The following SESN1 variants were observed in gnomAD, a reference collection of about 807,000 sequenced individuals.
SESN1 encodes sestrin 1.
A neutral mutation model predicts 59.3 loss-of-function variants in SESN1; 30 were observed. The ratio of observed to expected loss-of-function variants is 0.51; its 90% confidence interval spans 0.38 to 0.69. The LOEUF (loss-of-function observed/expected upper bound fraction) is 0.69, where lower values mean the gene tolerates loss of function less well. SESN1 is among the 30% of genes least tolerant of loss of function. The pLI is 0.00. For synonymous variants in SESN1, 197 were observed against 219.9 expected (o/e 0.90, Z 0.92); for missense variants, 566 against 673.0 (o/e 0.84, Z 1.76).
chr6:108,987,544 T>C lies in SESN1; in HGVS notation c.1656A>G (p.Ter552TrpextTer23), dbSNP rs1212255665. Residue 552 changes from the stop codon to tryptophan, a stop_lost, in exon 10 of 10, where the codon TGA (stop) becomes TGG (tryptophan). Coordinates refer to ENST00000436639, the MANE Select transcript of SESN1 (RefSeq NM_014454.3). The stretch of plus-strand genomic sequence containing the variant: ...AATCATCTTTAATGAAGGAAAGGCA[T>C]CAGGTCATATAGCGGGTAATGGCTC... ...ALRAITRYMT[*>W] The C allele has an allele frequency of 1.9e-6, 3 of 1,549,906 alleles. No homozygotes were observed. The highest frequency in any genetic ancestry group is 2.7e-6 in the Non-Finnish European group (3 of 1,122,546).
chr6:109,055,350 T>C (rs969545248), intron 1 of SESN1, among the ~76,000 whole-genome samples: 8 of 152,104 alleles, frequency 5.3e-5, no homozygotes, highest in African/African-American at 9.7e-5. Context: ...TGGTATTAAT[T>C]AATGAAAGAA....
intron 1 of SESN1, among the ~76,000 whole-genome samples, chr6:109,022,565 C>T (rs1485380140): frequency 2.0e-5 from 3 of 151,368 alleles, no homozygotes; most frequent in South Asian, 2.1e-4. Context: ...CCCACCACCA[C>T]GCCCGGCTAA....
intron 1 of SESN1, among the ~76,000 whole-genome samples, chr6:109,024,838 G>A (rs974572083): frequency 4.6e-5 from 7 of 152,208 alleles, no homozygotes; most frequent in Middle Eastern, 6.3e-3. Flanking sequence ...TCTACTGAAT[G>A]TGTGTTGCTT....
intron 6 of SESN1, 68 bp from the exon 7 acceptor site, chr6:108,992,967 G>A (rs1302319251): frequency 1.0e-6 from 1 of 970,290 alleles, no homozygotes; most frequent in African/African-American, 1.6e-5. Flanking sequence ...TTACCCAAAG[G>A]AGTAAAAATG....
At chr6:109,009,634 C>G (rs1779819643) in intron 1 of SESN1, 2 of 894,228 alleles carry the variant, frequency 2.2e-6, no homozygotes, top group Non-Finnish European at 2.7e-6. Flanking sequence ...GGCGGCCACG[C>G]AAGCCAATGC....
At chr6:109,077,844 G>A (rs569467745) in intron 1 of SESN1, among the ~76,000 whole-genome samples, 90 of 152,232 alleles carry the variant, frequency 5.9e-4, no homozygotes, top group Non-Finnish European at 1.1e-3. Context: ...CACTGCAAAT[G>A]TTATATGTAA....
Position 109,034,312 on chromosome 6 carries a change from T to C in SESN1, c.280-31969A>G, listed in dbSNP as rs145439811. Among the ~76,000 whole-genome samples, 701 of 152,330 alleles carry C rather than the reference T, an allele frequency of 4.6e-3. 4 individuals carry two copies. Among genetic ancestry groups the C allele is most frequent in the Middle Eastern group, 0.017 (5 of 294 alleles). On this transcript the variant is annotated intron_variant, in intron 1 of 9. Coordinates refer to ENST00000436639, the MANE Select transcript of SESN1 (RefSeq NM_014454.3). ...AAATTTGGTATTTGTAATGGTATAA[T>C]TACTTCTCTCAATTACAACATTTAC...
At chr6:109,067,586 T>C (rs1780856962) in intron 1 of SESN1, among the ~76,000 whole-genome samples, 1 of 152,200 alleles carries the variant, frequency 6.6e-6, no homozygotes, top group East Asian at 1.9e-4. Context: ...CTCTCCGGTC[T>C]TTCCTCTTCC....
intron 1 of SESN1, among the ~76,000 whole-genome samples, chr6:109,058,366 C>A (rs142109675): frequency 8.5e-5 from 13 of 152,264 alleles, no homozygotes; most frequent in African/African-American, 3.1e-4. Context: ...AGTATAGTAA[C>A]ATGCTATACA....
chr6:109,002,306 C>CT lies in SESN1; in HGVS notation c.316_317insA (p.Gly106GlufsTer17). 1 of 1,613,394 alleles carries CT rather than the reference C, an allele frequency of 6.2e-7. No homozygotes were observed. Among genetic ancestry groups the CT allele is most frequent in the Non-Finnish European group, 8.5e-7 (1 of 1,179,456 alleles). ...CTTTTCTGGGATGAATCTGCTTGGT[C>CT]CCTGTCCTAGTGGTCGAGGAATTCT... On this transcript the variant is annotated frameshift_variant, in exon 2 of 10. Coordinates refer to ENST00000436639, the MANE Select transcript of SESN1 (RefSeq NM_014454.3). LOFTEE classifies it high-confidence loss of function.
rs1779268178 is a variant in SESN1, at chr6:108,988,628, T to C, written c.1484A>G (p.Tyr495Cys). ...AGGAGTGCAAACAACAGTTTTGATA[T>C]AAACTTTAAAGCTACGATCCAATAG... The part of the protein sequence containing the change: ...NQLLDRSFKV[Y>C]IKTVVCTPEK... The change falls in exon 9 of 10, where the codon TAT (tyrosine) becomes TGT (cysteine). Residue 495 changes from tyrosine to cysteine, a missense_variant. Tyr to Cys is a radical substitution (Grantham distance 194, BLOSUM62 -2). Transcript: ENST00000436639. The C allele has an allele frequency of 1.2e-6, 2 of 1,612,614 alleles. No individual in the cohort carries two copies. Among genetic ancestry groups the C allele is most frequent in the Admixed American group, 1.7e-5 (1 of 59,892 alleles).
chr6:108,987,822 T>TTTTG (rs1779240840), intron 9 of SESN1, among the ~76,000 whole-genome samples, 192 bp from the exon 10 acceptor site: 1 of 151,394 alleles, frequency 6.6e-6, no homozygotes, highest in Admixed American at 6.6e-5. Context: ...TTTTTTTTTT[T>TTTTG]GATGCACACT....
At chr6:109,005,596 T>G (rs80321212) in intron 1 of SESN1, among the ~76,000 whole-genome samples, 3,824 of 152,314 alleles carry the variant, frequency 0.025, 159 homozygotes, top group African/African-American at 0.085. Flanking sequence ...CTATGAATGC[T>G]TGAGAAACAG....
intron 1 of SESN1, among the ~76,000 whole-genome samples, chr6:109,008,556 G>A (rs1053042908): frequency 6.6e-6 from 1 of 152,036 alleles, no homozygotes; most frequent in African/African-American, 2.4e-5. Context: ...ACGAAACCAC[G>A]TCATTTTAGT....
chr6:109,027,791 A>C (rs898568384), intron 1 of SESN1, among the ~76,000 whole-genome samples: 11 of 152,136 alleles, frequency 7.2e-5, no homozygotes, highest in African/African-American at 2.7e-4. Context: ...TCTCATTGTG[A>C]TTTTAATTTG....
At chr6:109,063,821 C>T (rs139169889) in intron 1 of SESN1, among the ~76,000 whole-genome samples, 43 of 150,602 alleles carry the variant, frequency 2.9e-4, no homozygotes, top group Non-Finnish European at 5.8e-4. Flanking sequence ...GAAGTTAACA[C>T]ATTTCAAAAG....
chr6:109,002,043 C>T (rs1779636621), intron 2 of SESN1, among the ~76,000 whole-genome samples: 1 of 152,148 alleles, frequency 6.6e-6, no homozygotes, highest in African/African-American at 2.4e-5. Context: ...AAAAACAAAT[C>T]TTGGCTTTAC....
chr6:109,063,629 C>T (rs1485202959), intron 1 of SESN1, among the ~76,000 whole-genome samples: 1 of 152,098 alleles, frequency 6.6e-6, no homozygotes, highest in Admixed American at 6.6e-5. Flanking sequence ...ACTGCTGTTT[C>T]CCCTTTGCAT....
At position 108,995,210 on chromosome 6, in the gene SESN1, C is replaced by G. The variant is rs530365108; in HGVS notation, c.973-601G>C. ...TTACCATTTATGCTGTTTTAAACTA[C>G]TTGTCAATTTAAAGCAGAACTGCGT... On this transcript the variant is annotated intron_variant, in intron 5 of 9. Coordinates refer to ENST00000436639, the MANE Select transcript of SESN1 (RefSeq NM_014454.3). Among the ~76,000 whole-genome samples the G allele has an allele frequency of 3.3e-5, 5 of 152,230 alleles. No individual in the cohort carries two copies. In the South Asian group the frequency reaches 1.0e-3, roughly 32 times the overall value.
Sources: allele counts gnomAD v4.1 joint callset (sites outside exome capture counted in the v4.1 genomes callset), GRCh38; gene constraint gnomAD v4.1.1; transcripts MANE v1.5; gene names NCBI Gene and HGNC (gene_info 2026-07-23, HGNC 2026-07-21).